Variants in RAD54L2 observed in about 807,000 individuals in gnomAD.
RAD54L2 encodes the protein RAD54 like 2.
A neutral mutation model predicts 138.4 loss-of-function variants in RAD54L2; 27 were observed. The observed-to-expected ratio is 0.20, with a 90% confidence interval of 0.14 to 0.27. The LOEUF is 0.27. RAD54L2 is among the 10% of genes least tolerant of loss of function. The pLI is 1.00. For synonymous variants in RAD54L2, 644 were observed against 723.2 expected (o/e 0.89, Z 1.76); for missense variants, 1,396 against 1,890.2 (o/e 0.74, Z 4.85).
intron 20 of RAD54L2, among the ~76,000 whole-genome samples, chr3:51,657,325 T>C (rs1701628550): frequency 6.6e-6 from 1 of 152,202 alleles, no homozygotes; most frequent in African/African-American, 2.4e-5. Flanking sequence ...GAATTTCTAA[T>C]TAAATAAAGG....
intron 3 of RAD54L2, among the ~76,000 whole-genome samples, chr3:51,621,680 C>T (rs1577431881): frequency 6.6e-6 from 1 of 152,312 alleles, no homozygotes; most frequent in East Asian, 1.9e-4. Flanking sequence ...TCTAATCTTG[C>T]CTCCAACTGT....
At chr3:51,634,358 ATTTTTTTTTTTTT>A (rs61565460) in intron 9 of RAD54L2, among the ~76,000 whole-genome samples, 101 of 94,966 alleles carry the variant, frequency 1.1e-3, no homozygotes, top group Admixed American at 1.6e-3. Context: ...CCACTGTCTG[ATTTTTTTTTTTTT>A]TTTTTTTTTT....
chr3:51,635,729 C>T lies in RAD54L2; in HGVS notation c.1279C>T (p.Arg427Cys), dbSNP rs370809453. 2.8e-5 allele frequency: 45 copies of T among 1,613,604 alleles called. No homozygotes were observed. Among genetic ancestry groups the T allele is most frequent in the African/African-American group, 5.3e-5 (4 of 74,892 alleles). ...ATGRPKKTKKRSHPVIIDLDE... is the reference protein window; with the variant it reads ...ATGRPKKTKKCSHPVIIDLDE... ...AGGTAGACCGAAGAAAACCAAGAAG[C>T]GTTCTCACCCAGTCATCATTGATCT... The change falls in exon 10 of 23, where the codon CGT becomes TGT. Residue 427 changes from arginine to cysteine, a missense_variant. Physicochemically the swap from Arg to Cys is radical, Grantham distance 180. Coordinates refer to ENST00000684192, the MANE Select transcript of RAD54L2 (RefSeq NM_015106.4).
chr3:51,661,850 T>G (rs1306043102), intron 22 of RAD54L2, among the ~76,000 whole-genome samples: 1 of 152,242 alleles, frequency 6.6e-6, no homozygotes, highest in African/African-American at 2.4e-5. Context: ...TTTCATCATG[T>G]CATTTTATCT....
rs370772738 is a variant in RAD54L2 at position 51,645,811 on chromosome 3, C to G, written c.2829+48C>G. 1 of 1,533,898 alleles carries G rather than the reference C, an allele frequency of 6.5e-7. No individual in the cohort carries two copies. Reference sequence around the variant, plus strand: ...ATCCCCAGAGTGGCAGTCTCTCTGTCAAAGGAGGCTTGTCTTGTAAGCTTT... The same window carrying G: ...ATCCCCAGAGTGGCAGTCTCTCTGTGAAAGGAGGCTTGTCTTGTAAGCTTT... On this transcript the variant is annotated intron_variant, in intron 18 of 22. Coordinates refer to ENST00000684192, the MANE Select transcript of RAD54L2 (RefSeq NM_015106.4). The surrounding 1 kb of genome is among the most constrained non-coding windows in gnomAD (Gnocchi z 6.1).
intron 3 of RAD54L2, among the ~76,000 whole-genome samples, chr3:51,613,722 G>T (rs1700384027): frequency 6.8e-6 from 1 of 148,146 alleles, no homozygotes; most frequent in Non-Finnish European, 1.5e-5. Context: ...CTGAGATCAT[G>T]CCACTGCATT....
At chr3:51,562,070 CTG>C (rs1468936452) in intron 2 of RAD54L2, among the ~76,000 whole-genome samples, 1 of 150,080 alleles carries the variant, frequency 6.7e-6, no homozygotes, top group Non-Finnish European at 1.5e-5. Flanking sequence ...GAGTCTCACT[CTG>C]TCGCCCAGGC....
chr3:51,612,924 A>C (rs1361262516), intron 3 of RAD54L2, among the ~76,000 whole-genome samples: 1 of 152,096 alleles, frequency 6.6e-6, no homozygotes, highest in Non-Finnish European at 1.5e-5. Flanking sequence ...TTTAGTAGAA[A>C]AGGCATGTAC....
chr3:51,575,167 G>A (rs1331637935), intron 2 of RAD54L2, among the ~76,000 whole-genome samples: 1 of 152,142 alleles, frequency 6.6e-6, no homozygotes, highest in Non-Finnish European at 1.5e-5. Flanking sequence ...TAGATGTGTG[G>A]TATTATTTCT....
At chr3:51,657,289 A>G (rs998485948) in intron 20 of RAD54L2, among the ~76,000 whole-genome samples, 4 of 152,228 alleles carry the variant, frequency 2.6e-5, no homozygotes, top group Non-Finnish European at 4.4e-5. Context: ...CATCTAAACT[A>G]AAACATTTTT....
Position 51,630,734 on chromosome 3 carries a change from G to A in RAD54L2, c.628G>A (p.Asp210Asn). The A allele has an allele frequency of 6.2e-7, 1 of 1,613,978 alleles. No homozygotes were observed. The highest frequency in any genetic ancestry group is 8.5e-7 in the Non-Finnish European group (1 of 1,179,890). The change falls in exon 7 of 23, where the codon GAC becomes AAC. Residue 210 changes from aspartate (D) to asparagine (N), a missense_variant. By Grantham distance (23) the Asp-to-Asn change is conservative. Coordinates refer to ENST00000684192, the MANE Select transcript of RAD54L2 (RefSeq NM_015106.4). ...GATTGAACTGAGCTCTGGAGAGGAG[G>A]ACACTCTGCACATTGTGGACAGCAG... ...EVIELSSGEE[D>N]TLHIVDSSES...
chr3:51,601,918 G>A, intron 3 of RAD54L2, among the ~76,000 whole-genome samples: 1 of 151,298 alleles, frequency 6.6e-6, no homozygotes, highest in Non-Finnish European at 1.5e-5. Flanking sequence ...GTGCAGTGGT[G>A]CGATCTCGGC....
At chr3:51,625,378 A>C (rs531783283) in intron 3 of RAD54L2, among the ~76,000 whole-genome samples, 12 of 152,326 alleles carry the variant, frequency 7.9e-5, no homozygotes, top group Non-Finnish European at 1.2e-4. Context: ...AGATCGTGTC[A>C]TTGTATTCCA....
intron 2 of RAD54L2, among the ~76,000 whole-genome samples, chr3:51,589,088 A>T (rs1448056377): frequency 6.6e-6 from 1 of 152,210 alleles, no homozygotes; most frequent in Non-Finnish European, 1.5e-5. Flanking sequence ...CTGCGATTAT[A>T]TACAACTGTT....
rs1196538180 is a variant in RAD54L2, at chr3:51,666,334, TA to T, written c.*2916del. ...GGGAAGCAGGAAGTATCTCAGAGCC[TA>T]AGAACCATGTTTTATAGTTTCTTTG... On this transcript the variant is annotated 3_prime_UTR_variant, in exon 23 of 23. Transcript: ENST00000684192. The T allele has an allele frequency of 6.6e-6, 1 of 152,058 alleles. No individual in the cohort carries two copies. The highest frequency in any genetic ancestry group is 2.4e-5 in the African/African-American group (1 of 41,382). The allele number at this position is 152,058 out of a possible 1,614,324, so 9.4% of individuals were successfully genotyped here. A position where few individuals can be genotyped will look rare whatever the true frequency, so the allele number is the denominator to read the frequency against.
chr3:51,667,597 C>T lies in RAD54L2; in HGVS notation c.*4177C>T, dbSNP rs1223216055. Reference sequence around the variant, plus strand: ...CCCAAAAGGACCCCTGGGAGATGTTCTGGCCCTCTGCTGACTACTCCCAGG... The same window carrying T: ...CCCAAAAGGACCCCTGGGAGATGTTTTGGCCCTCTGCTGACTACTCCCAGG... On this transcript the variant is annotated 3_prime_UTR_variant, in exon 23 of 23. Coordinates refer to ENST00000684192, the MANE Select transcript of RAD54L2 (RefSeq NM_015106.4). The T allele has an allele frequency of 2.0e-5, 3 of 152,384 alleles. No individual in the cohort carries two copies. Among genetic ancestry groups the T allele is most frequent in the African/African-American group, 7.2e-5 (3 of 41,554 alleles). The allele number at this position is 152,384 out of a possible 1,614,324, so 9.4% of individuals were successfully genotyped here. A position where few individuals can be genotyped will look rare whatever the true frequency, so the allele number is the denominator to read the frequency against.
At chr3:51,656,341 G>T (rs1014636537) in intron 20 of RAD54L2, among the ~76,000 whole-genome samples, 171 bp downstream of exon 20, 13 of 152,230 alleles carry the variant, frequency 8.5e-5, no homozygotes, top group African/African-American at 1.4e-4. Flanking sequence ...TTGGATTCTA[G>T]TGAAATATCT....
intron 3 of RAD54L2, among the ~76,000 whole-genome samples, chr3:51,594,066 CTTTTTTTT>C (rs904101025): frequency 4.8e-5 from 5 of 105,138 alleles, no homozygotes; most frequent in Non-Finnish European, 9.8e-5. Context: ...TTTTCTTTTT[CTTTTTTTT>C]TTTTTTTTTT....
chr3:51,628,509 C>T (rs1405139668), intron 4 of RAD54L2, among the ~76,000 whole-genome samples: 1 of 151,960 alleles, frequency 6.6e-6, no homozygotes, highest in Admixed American at 6.6e-5. Flanking sequence ...TGTGCTTCAA[C>T]CTCCTGAGTA....
Sources: gnomAD v4.1 joint callset for allele counts (sites outside exome capture counted in the v4.1 genomes callset) on GRCh38, gnomAD v4.1.1 for gene constraint, Gnocchi (gnomAD v3.1) non-coding constraint, MANE v1.5 for transcripts, NCBI Gene and HGNC (gene_info 2026-07-23, HGNC 2026-07-21) for gene names.